The following PGPEP1L variants were observed in gnomAD, a reference collection of about 807,000 sequenced individuals.
The protein encoded by PGPEP1L is pyroglutamyl-peptidase 1-like protein.
A neutral mutation model predicts 6.0 loss-of-function variants in PGPEP1L; 7 were observed. The ratio of observed to expected loss-of-function variants is 1.17; its 90% CI spans 0.66 to 2.19. The LOEUF (loss-of-function observed/expected upper bound fraction) is 2.19, where lower values mean the gene tolerates loss of function less well. Ranked by LOEUF, PGPEP1L falls within the 30% of genes most tolerant of loss-of-function variation. The pLI, the probability that PGPEP1L is intolerant of heterozygous loss-of-function variation, is 0.00. For synonymous variants in PGPEP1L, 103 were observed against 83.9 expected (o/e 1.23, Z -1.24); for missense variants, 209 against 192.5 (o/e 1.09, Z -0.51).
intron 2 of PGPEP1L, among the ~76,000 whole-genome samples, chr15:99,002,550 C>G (rs2017988510): frequency 6.6e-6 from 1 of 152,126 alleles, no homozygotes; most frequent in African/African-American, 2.4e-5. Context: ...AATATCCTGG[C>G]TTTTATATTG....
chr15:98,976,338 G>A (rs1011037368), intron 2 of PGPEP1L, among the ~76,000 whole-genome samples: 3 of 152,236 alleles, frequency 2.0e-5, no homozygotes, highest in South Asian at 2.1e-4. Context: ...GACTAAATCC[G>A]TAGTAAATCA....
chr15:99,007,016 G>A (rs372045448), intron 1 of PGPEP1L, among the ~76,000 whole-genome samples: 1 of 152,222 alleles, frequency 6.6e-6, no homozygotes, highest in African/African-American at 2.4e-5. Flanking sequence ...TTGTCCTCCT[G>A]ATATAAAGCG....
chr15:98,969,144 C>A (rs1437634888), intron 4 of PGPEP1L, among the ~76,000 whole-genome samples: 1 of 152,342 alleles, frequency 6.6e-6, no homozygotes, highest in Middle Eastern at 3.4e-3. Context: ...AAAACATTCA[C>A]GAAATGTTAG....
At chr15:98,987,165 C>CAAAAAAAAGAAA (rs2017758110) in intron 2 of PGPEP1L, among the ~76,000 whole-genome samples, 1 of 33,384 alleles carries the variant, frequency 3.0e-5, no homozygotes, top group African/African-American at 1.1e-4. Context: ...GACTCCATCT[C>CAAAAAAAAGAAA]AAAAAAAAAA....
chr15:98,970,785 GAAT>G (rs754728555), intron 3 of PGPEP1L, among the ~76,000 whole-genome samples: 54 of 152,264 alleles, frequency 3.5e-4, no homozygotes, highest in Middle Eastern at 3.4e-3. Flanking sequence ...TCCTGGCTGG[GAAT>G]AATACTTCCA....
chr15:98,992,110 C>A (rs1166291563), intron 2 of PGPEP1L, among the ~76,000 whole-genome samples: 4 of 152,048 alleles, frequency 2.6e-5, no homozygotes, highest in African/African-American at 9.7e-5. Context: ...GGCAGTCAGG[C>A]AAGACAAAGA....
At chr15:99,007,306 G>A (rs1298098038) in intron 1 of PGPEP1L, 53 bp downstream of exon 1, 1 of 152,290 alleles carries the variant, frequency 6.6e-6, no homozygotes, top group Non-Finnish European at 1.5e-5. Context: ...TGCACTTGTA[G>A]ACTTGGTCTC....
At chr15:98,977,749 C>T (rs778283300) in intron 2 of PGPEP1L, among the ~76,000 whole-genome samples, 12 of 152,076 alleles carry the variant, frequency 7.9e-5, no homozygotes, top group African/African-American at 1.4e-4. Flanking sequence ...GTGTTCTGTC[C>T]GTTATTGAGA....
chr15:98,975,281 G>A (rs2017551841), intron 2 of PGPEP1L, among the ~76,000 whole-genome samples: 1 of 152,186 alleles, frequency 6.6e-6, no homozygotes, highest in Non-Finnish European at 1.5e-5. Context: ...TTGATGTCAT[G>A]GAGGTAGAGA....
At chr15:98,976,153 G>A (rs2017566747) in intron 2 of PGPEP1L, among the ~76,000 whole-genome samples, 1 of 152,088 alleles carries the variant, frequency 6.6e-6, no homozygotes, top group Non-Finnish European at 1.5e-5. Context: ...AATGATAGTT[G>A]TACAACAATG....
intron 2 of PGPEP1L, among the ~76,000 whole-genome samples, chr15:98,986,408 A>T (rs1343596542): frequency 1.3e-5 from 2 of 152,220 alleles, no homozygotes; most frequent in African/African-American, 4.8e-5. Flanking sequence ...AGGAATCTCC[A>T]ATAAAAACTC....
chr15:98,998,935 A>G (rs1263616079), intron 2 of PGPEP1L, among the ~76,000 whole-genome samples: 1 of 152,216 alleles, frequency 6.6e-6, no homozygotes, highest in East Asian at 1.9e-4. Flanking sequence ...AGATTGCGCC[A>G]CTTAACTCCA....
In PGPEP1L at chr15:99,007,367, G is replaced by C. The variant is rs72754845; in HGVS notation, c.-378C>G. The C allele has an allele frequency of 6.6e-6, 1 of 152,288 alleles. No individual in the cohort carries two copies. The highest frequency in any genetic ancestry group is 6.5e-5 in the Admixed American group (1 of 15,284). 9.4% of individuals were successfully genotyped at this position (152,288 alleles called of 1,614,324 possible). The stretch of plus-strand genomic sequence containing the variant: ...TAGCTCCTATCACTTACCTAGTTCC[G>C]TCATGGTGTGTCCAGAATCGGCGGA... On this transcript the variant is annotated 5_prime_UTR_variant, in exon 1 of 5. Transcript: ENST00000535714.
At chr15:98,968,886 C>T (rs1298465044) in intron 4 of PGPEP1L, among the ~76,000 whole-genome samples, 189 bp from the exon 5 acceptor site, 1 of 152,210 alleles carries the variant, frequency 6.6e-6, no homozygotes, top group Non-Finnish European at 1.5e-5. Flanking sequence ...GGCTCTTGGC[C>T]TCATGGCCTC....
intron 2 of PGPEP1L, among the ~76,000 whole-genome samples, chr15:98,990,936 C>G (rs2017810162): frequency 1.3e-5 from 2 of 152,094 alleles, no homozygotes; most frequent in Non-Finnish European, 2.9e-5. Context: ...ATACAACGTA[C>G]CAGAATCTCT....
intron 2 of PGPEP1L, among the ~76,000 whole-genome samples, chr15:98,985,636 G>C (rs910479544): frequency 8.5e-5 from 13 of 152,326 alleles, no homozygotes; most frequent in African/African-American, 3.1e-4. Context: ...GGAGAAGAGC[G>C]CAAGTGGGCT....
chr15:98,981,230 C>T (rs958796522), intron 2 of PGPEP1L, among the ~76,000 whole-genome samples: 3 of 152,224 alleles, frequency 2.0e-5, no homozygotes, highest in Non-Finnish European at 2.9e-5. Context: ...CGGTGGCTCC[C>T]GCCTGTAATC....
At chr15:98,968,776 A>C (rs2017444343) in intron 4 of PGPEP1L, 79 bp from the exon 5 acceptor site, 1 of 1,320,336 alleles carries the variant, frequency 7.6e-7, no homozygotes, top group Non-Finnish European at 1.1e-6. Flanking sequence ...GTGGCAATGC[A>C]ACACCCACAA....
At chr15:98,987,193 AAAGAG>A (rs2017759770) in intron 2 of PGPEP1L, among the ~76,000 whole-genome samples, 1 of 148,808 alleles carries the variant, frequency 6.7e-6, no homozygotes, top group African/African-American at 2.6e-5. Flanking sequence ...AAAAAAAAAA[AAAGAG>A]AGCCAATTTA....
Sources: gnomAD v4.1 joint callset for allele counts (sites outside exome capture counted in the v4.1 genomes callset) on GRCh38, gnomAD v4.1.1 for gene constraint, MANE v1.5 for transcripts, NCBI Gene and HGNC (gene_info 2026-07-23, HGNC 2026-07-21) for gene names.